ATXN10: variants seen among roughly 807,000 people sequenced by gnomAD.
ATXN10 encodes the protein ataxin-10.
Under a neutral mutation model 52.9 loss-of-function variants are expected in ATXN10, and 28 were observed. That is an observed-to-expected ratio of 0.53 (90% CI 0.39 to 0.73). The LOEUF is 0.73. Ranked by LOEUF, ATXN10 falls within the 30% of genes least tolerant of loss-of-function variation. The pLI, the probability that ATXN10 is intolerant of heterozygous loss-of-function variation, is 0.00. For synonymous variants in ATXN10, 226 were observed against 221.5 expected, an observed-to-expected ratio of 1.02 and a Z score of -0.18; for missense variants, 565 against 577.0, an observed-to-expected ratio of 0.98 and a Z score of 0.21.
At position 45,708,455 on chromosome 22, in the gene ATXN10, C is replaced by T. The variant is rs1288728696; in HGVS notation, c.647+5608C>T. Among the ~76,000 whole-genome samples the T allele has an allele frequency of 2.0e-5, 3 of 152,180 alleles. No individual in the cohort carries two copies. Among genetic ancestry groups the T allele is most frequent in the African/African-American group, 7.2e-5 (3 of 41,434 alleles). On this transcript the variant is annotated intron_variant, in intron 5 of 11. Coordinates refer to ENST00000252934, the MANE Select transcript of ATXN10 (RefSeq NM_013236.4). This position sits in a 1 kb window ranked among gnomAD's most constrained non-coding sequence, Gnocchi z 5.3. The stretch of plus-strand genomic sequence containing the variant: ...CCTATGAAAGTTAAGCAGAGTAAAC[C>T]AGTCTGACAAAGGTCACACAACTAG...
At chr22:45,748,738 C>G (rs1370509092) in intron 9 of ATXN10, among the ~76,000 whole-genome samples, 1 of 152,208 alleles carries the variant, frequency 6.6e-6, no homozygotes, top group Non-Finnish European at 1.5e-5. Context: ...TAGGCAAGAT[C>G]TGGCTTGCTT....
intron 8 of ATXN10, 28 bp from the exon 9 acceptor site, chr22:45,740,341 A>G: frequency 6.2e-7 from 1 of 1,613,316 alleles, no homozygotes; most frequent in South Asian, 1.1e-5. Context: ...TTTTCTGTGG[A>G]AAATGAAGTT....
At chr22:45,691,985 C>T (rs928823997) in intron 2 of ATXN10, among the ~76,000 whole-genome samples, 2 of 152,206 alleles carry the variant, frequency 1.3e-5, no homozygotes, top group Non-Finnish European at 2.9e-5. Flanking sequence ...GGACAGGTGA[C>T]TTGGTCTTCC....
At chr22:45,743,117 C>T (rs143878280) in intron 9 of ATXN10, among the ~76,000 whole-genome samples, 2 of 152,268 alleles carry the variant, frequency 1.3e-5, no homozygotes, top group Admixed American at 6.5e-5. Flanking sequence ...GTCACTGGGG[C>T]GCACAGGAAG....
rs879633292 is a variant in ATXN10, at chr22:45,732,095, ACTT to A, written c.894+2508_894+2510del. The stretch of plus-strand genomic sequence containing the variant: ...GGTGTAACTTTTCATATTTAGGAAA[ACTT>A]CTATTTTTCCTTTGGACTTTTTTCT... On this transcript the variant is annotated intron_variant, in intron 7 of 11. Transcript: ENST00000252934. The surrounding 1 kb of genome is among the most constrained non-coding windows in gnomAD (Gnocchi z 4.5). Among the ~76,000 whole-genome samples the A allele has an allele frequency of 3.9e-5, 6 of 152,114 alleles. No individual in the cohort carries two copies. Among genetic ancestry groups the A allele is most frequent in the Non-Finnish European group, 8.8e-5 (6 of 68,012 alleles).
intron 1 of ATXN10, chr22:45,673,794 T>C (rs1922570961): frequency 1.3e-5 from 2 of 152,126 alleles, no homozygotes; most frequent in Non-Finnish European, 2.9e-5. Flanking sequence ...CGGTTATAGA[T>C]GAGAGGACTA....
At chr22:45,675,928 G>C (rs1389022996) in intron 1 of ATXN10, 1 of 151,982 alleles carries the variant, frequency 6.6e-6, no homozygotes, top group Non-Finnish European at 1.5e-5. Flanking sequence ...TTTCTTCTCT[G>C]TGTAAGATAA....
Position 45,718,396 on chromosome 22 carries a change from T to C in ATXN10, c.648-17T>C, listed in dbSNP as rs1464925084. 2.5e-6 allele frequency: 4 copies of C among 1,601,496 alleles called. No individual in the cohort carries two copies. Among genetic ancestry groups the C allele is most frequent in the Non-Finnish European group, 3.4e-6 (4 of 1,168,642 alleles). ...TATGTTTCAAGTAACCAAACTTTCC[T>C]CCTCTTTTTTCCCTAGGTTCTTGAT... On this transcript the variant is annotated splice_polypyrimidine_tract_variant and intron_variant, in intron 5 of 11. Transcript: ENST00000252934. This position sits in a 1 kb window ranked among gnomAD's most constrained non-coding sequence, Gnocchi z 4.4.
chr22:45,797,063 A>C (rs533108899), intron 9 of ATXN10, among the ~76,000 whole-genome samples: 13 of 152,392 alleles, frequency 8.5e-5, no homozygotes, highest in Non-Finnish European at 1.8e-4. Flanking sequence ...TGCTAATAGC[A>C]GAATTTCAAA....
At chr22:45,673,110 C>T (rs1422049466) in intron 1 of ATXN10, 1 of 152,142 alleles carries the variant, frequency 6.6e-6, no homozygotes, top group African/African-American at 2.4e-5. Context: ...ATATTAAATC[C>T]TTAGGACATA....
intron 10 of ATXN10, among the ~76,000 whole-genome samples, chr22:45,814,928 A>T (rs1928406749): frequency 6.6e-6 from 1 of 152,238 alleles, no homozygotes; most frequent in Admixed American, 6.5e-5. Flanking sequence ...GAGGTGGAAC[A>T]GTTTCATCTG....
chr22:45,797,798 A>T (rs1927796117), intron 9 of ATXN10, among the ~76,000 whole-genome samples: 1 of 152,238 alleles, frequency 6.6e-6, no homozygotes. Context: ...ATCTTTCCAG[A>T]TAAATCTGTC....
chr22:45,745,919 A>G (rs1395569024), intron 9 of ATXN10, among the ~76,000 whole-genome samples: 1 of 152,214 alleles, frequency 6.6e-6, no homozygotes, highest in East Asian at 1.9e-4. Flanking sequence ...AAAGACTAGT[A>G]AAAATAGATA....
chr22:45,765,504 G>C lies in ATXN10; in HGVS notation c.1173+24966G>C, dbSNP rs375970151. 3.9e-5 allele frequency among the ~76,000 whole-genome samples: 6 copies of C among 152,172 alleles called. No homozygotes were observed. The East Asian group carries it at 1.2e-3, about 29-fold the overall frequency. On this transcript the variant is annotated intron_variant, in intron 9 of 11. Coordinates refer to ENST00000252934, the MANE Select transcript of ATXN10 (RefSeq NM_013236.4). Reference sequence around the variant, plus strand: ...ATTGCAAGAAGTTGCTCTAGAATCAGCTGGGACTGAGGGGTTGATTGTGGT... The same window carrying C: ...ATTGCAAGAAGTTGCTCTAGAATCACCTGGGACTGAGGGGTTGATTGTGGT...
chr22:45,706,310 T>G (rs1459569376), intron 5 of ATXN10, among the ~76,000 whole-genome samples: 1 of 152,250 alleles, frequency 6.6e-6, no homozygotes, highest in East Asian at 1.9e-4. Context: ...TTGTTCACTA[T>G]AGCTAAAGGT....
At chr22:45,822,520 C>T (rs1258483672) in intron 10 of ATXN10, among the ~76,000 whole-genome samples, 1 of 147,320 alleles carries the variant, frequency 6.8e-6, no homozygotes, top group African/African-American at 2.6e-5. Flanking sequence ...TTGAATTTCT[C>T]CAATTTTTTT....
intron 1 of ATXN10, among the ~76,000 whole-genome samples, chr22:45,689,300 G>A (rs936816831): frequency 8.5e-5 from 13 of 152,340 alleles, no homozygotes; most frequent in Admixed American, 5.9e-4. Flanking sequence ...AGATCCATAA[G>A]CATGAGCAGT....
chr22:45,836,452 G>A (rs571014900), intron 10 of ATXN10, among the ~76,000 whole-genome samples: 2 of 152,270 alleles, frequency 1.3e-5, no homozygotes, highest in Non-Finnish European at 2.9e-5. Flanking sequence ...AGCACCCTGC[G>A]AGCGGGAGCT....
rs13053442 is a variant in ATXN10, at chr22:45,736,880, A to G, written c.895-1851A>G. On this transcript the variant is annotated intron_variant, in intron 7 of 11. Transcript: ENST00000252934. ...ATCCATGAATTCTTTAGGGGTTGCA[A>G]AATGGTGGCATTTTAACATTATTGT... 7.0e-3 allele frequency among the ~76,000 whole-genome samples: 1,063 copies of G among 152,340 alleles called. 9 individuals carry two copies. The highest frequency in any genetic ancestry group is 0.01 in the Non-Finnish European group (708 of 68,026).
Sources: allele counts gnomAD v4.1 joint callset (sites outside exome capture counted in the v4.1 genomes callset), GRCh38; gene constraint gnomAD v4.1.1; non-coding constraint Gnocchi (gnomAD v3.1); transcripts MANE v1.5; gene names NCBI Gene and HGNC (gene_info 2026-07-23, HGNC 2026-07-21).